Variants in FZD3 observed in about 807,000 individuals in gnomAD.
The protein encoded by FZD3 is frizzled class receptor 3.
A neutral mutation model predicts 60.7 loss-of-function variants in FZD3; 30 were observed. That is an observed-to-expected ratio of 0.49 (90% confidence interval 0.37 to 0.67). The LOEUF is 0.67. Among genes scored for constraint, FZD3 ranks in the 30% least tolerant of loss-of-function variants. FZD3 has a pLI of 0.00. For missense variants in FZD3, 605 were observed against 838.7 expected, an observed-to-expected ratio of 0.72 and a Z score of 3.44; for synonymous variants, 246 against 275.2, an observed-to-expected ratio of 0.89 and a Z score of 1.05.
intron 3 of FZD3, among the ~76,000 whole-genome samples, chr8:28,516,441 C>T (rs1182211651): frequency 1.3e-5 from 2 of 152,110 alleles, no homozygotes; most frequent in African/African-American, 2.4e-5. Context: ...AACAGAAGGC[C>T]GTTGGGATTT....
At chr8:28,536,100 T>TA (rs1167254006) in intron 5 of FZD3, among the ~76,000 whole-genome samples, 2 of 152,228 alleles carry the variant, frequency 1.3e-5, no homozygotes, top group African/African-American at 4.8e-5. Flanking sequence ...TTGCACAAAG[T>TA]AAAATTTCGA....
chr8:28,519,671 G>T (rs1203640140), intron 3 of FZD3, among the ~76,000 whole-genome samples: 2 of 150,576 alleles, frequency 1.3e-5, no homozygotes, highest in Admixed American at 1.3e-4. Flanking sequence ...CAGAGGTGGT[G>T]GTGAGCCGAG....
rs762771274 is a variant in FZD3 at position 28,527,262 on chromosome 8, G to A, written c.502G>A (p.Glu168Lys). 4 of 1,614,008 alleles carry A rather than the reference G, an allele frequency of 2.5e-6. No homozygotes were observed. Among genetic ancestry groups the A allele is most frequent in the Non-Finnish European group, 3.4e-6 (4 of 1,179,908 alleles). Residue 168 changes from glutamate to lysine, a missense_variant, in exon 5 of 8, where the codon GAG (glutamate) becomes AAG (lysine). Coordinates refer to ENST00000240093, the MANE Select transcript of FZD3 (RefSeq NM_017412.4). This position sits in a 1 kb window ranked among gnomAD's most constrained non-coding sequence, Gnocchi z 5.0. ...QRDYGFWCPRELKIDPDLGYS... is the reference protein window; with the variant it reads ...QRDYGFWCPRKLKIDPDLGYS... ...AGACTATGGTTTTTGGTGTCCCCGA[G>A]AGTTAAAAATTGATCCTGATCTGGG...
At chr8:28,559,467 A>G (rs1585195360) in intron 7 of FZD3, among the ~76,000 whole-genome samples, 1 of 152,204 alleles carries the variant, frequency 6.6e-6, no homozygotes, top group Admixed American at 6.5e-5. Flanking sequence ...CCTCCACAGT[A>G]TCTAGCACAG....
chr8:28,501,793 A>G (rs1421913911), intron 2 of FZD3, among the ~76,000 whole-genome samples: 2 of 152,154 alleles, frequency 1.3e-5, no homozygotes, highest in Non-Finnish European at 2.9e-5. Flanking sequence ...CTTTTTAGGG[A>G]TGATTTCTAT....
chr8:28,541,068 C>A (rs942788245), intron 5 of FZD3, among the ~76,000 whole-genome samples: 16 of 152,170 alleles, frequency 1.1e-4, no homozygotes, highest in African/African-American at 2.9e-4. Flanking sequence ...AGTATATGGC[C>A]TGTTTTACGT....
intron 5 of FZD3, among the ~76,000 whole-genome samples, chr8:28,550,315 A>C (rs1174440850): frequency 6.6e-6 from 1 of 151,542 alleles, no homozygotes; most frequent in Non-Finnish European, 1.5e-5. Flanking sequence ...AAGATTCTTT[A>C]ATTTTTCTCT....
Position 28,502,958 on chromosome 8 carries a change from C to A in FZD3, c.-56C>A. The A allele has an allele frequency of 8.4e-7, 1 of 1,193,702 alleles. No homozygotes were observed. Among genetic ancestry groups the A allele is most frequent in the Non-Finnish European group, 1.2e-6 (1 of 828,136 alleles). The allele number at this position is 1,193,702 out of a possible 1,614,324, so 73.9% of individuals were successfully genotyped here. On this transcript the variant is annotated 5_prime_UTR_variant, in exon 3 of 8. Transcript: ENST00000240093. Reference sequence around the variant, plus strand: ...CTGAGACCTGCAGGTGTATAAATATCTAAAATACATATTGAATAGGCCTGA... The same window carrying A: ...CTGAGACCTGCAGGTGTATAAATATATAAAATACATATTGAATAGGCCTGA...
In FZD3 at chr8:28,503,133, T is replaced by G. The variant is rs774073841; in HGVS notation, c.120T>G (p.Pro40=). ...PITLRMCQDL[P]YNTTFMPNLL... ...CCTTGAGGATGTGCCAAGATTTGCC[T>G]TATAATACTACCTTCATGCCTAATC... Residue 40 remains proline (P), a synonymous_variant, in exon 3 of 8, where the codon CCT becomes CCG. Transcript: ENST00000240093. 1 of 1,613,470 alleles carries G rather than the reference T, an allele frequency of 6.2e-7. No individual in the cohort carries two copies. The highest frequency in any genetic ancestry group is 1.1e-5 in the South Asian group (1 of 91,066).
chr8:28,524,934 A>G (rs1804678340), intron 4 of FZD3, among the ~76,000 whole-genome samples: 1 of 152,100 alleles, frequency 6.6e-6, no homozygotes, highest in African/African-American at 2.4e-5. Flanking sequence ...TTCTGTTCCT[A>G]CTTCATTGAT....
At chr8:28,534,223 C>T (rs1436193561) in intron 5 of FZD3, among the ~76,000 whole-genome samples, 1 of 152,080 alleles carries the variant, frequency 6.6e-6, no homozygotes, top group Non-Finnish European at 1.5e-5. Context: ...TTTATAGACG[C>T]ACACACACAT....
intron 7 of FZD3, among the ~76,000 whole-genome samples, chr8:28,560,124 G>A (rs1805588496): frequency 6.6e-6 from 1 of 152,146 alleles, no homozygotes; most frequent in African/African-American, 2.4e-5. Context: ...TAAAACTACA[G>A]TTAATTCAGT....
chr8:28,555,944 G>A lies in FZD3; in HGVS notation c.1760G>A (p.Gly587Asp). 1 of 1,612,620 alleles carries A rather than the reference G, an allele frequency of 6.2e-7. No individual in the cohort carries two copies. Among genetic ancestry groups the A allele is most frequent in the Non-Finnish European group, 8.5e-7 (1 of 1,178,724 alleles). The change falls in exon 7 of 8, where the codon GGC (glycine) becomes GAC (aspartate). Residue 587 changes from glycine (G) to aspartate (D), a missense_variant. Coordinates refer to ENST00000240093, the MANE Select transcript of FZD3 (RefSeq NM_017412.4). ...SIHSKVSSYH[G>D]SLHRSRDGRY... ...CACAGCAAAGTGAGCAGCTACCACG[G>A]CAGCCTCCACAGATCACGTGATGGC...
chr8:28,538,705 A>T (rs1166364446), intron 5 of FZD3, among the ~76,000 whole-genome samples: 1 of 152,106 alleles, frequency 6.6e-6, no homozygotes, highest in Non-Finnish European at 1.5e-5. Context: ...CTAAAATTTT[A>T]GGGGATTGGA....
At chr8:28,497,267 C>T (rs1488647121) in intron 1 of FZD3, among the ~76,000 whole-genome samples, 1 of 152,106 alleles carries the variant, frequency 6.6e-6, no homozygotes, top group African/African-American at 2.4e-5. Flanking sequence ...CAGGAAAGTT[C>T]AGAAAAGAGA....
chr8:28,562,668 T>C, intron 7 of FZD3, 130 bp from the exon 8 acceptor site: 2 of 638,658 alleles, frequency 3.1e-6, no homozygotes, highest in South Asian at 3.8e-5. Context: ...CAATCAAAAG[T>C]TGGTTATTAC....
rs1186729055 is a variant in FZD3, at chr8:28,570,628, A to G, written c.*7617A>G. On this transcript the variant is annotated 3_prime_UTR_variant, in exon 8 of 8. Transcript: ENST00000240093. The stretch of plus-strand genomic sequence containing the variant: ...CAACGGAGCGAGACTCTATCTCAAA[A>G]AAAAAAAAAGAAAAAAAAAAAAGTA... 8 of 151,604 alleles carry G rather than the reference A, an allele frequency of 5.3e-5. No individual in the cohort carries two copies. Among genetic ancestry groups the G allele is most frequent in the Admixed American group, 4.6e-4 (7 of 15,236 alleles). 9.4% of individuals were successfully genotyped at this position (151,604 alleles called of 1,614,324 possible).
At chr8:28,515,854 G>T (rs1000940078) in intron 3 of FZD3, among the ~76,000 whole-genome samples, 1 of 152,158 alleles carries the variant, frequency 6.6e-6, no homozygotes, top group African/African-American at 2.4e-5. Flanking sequence ...TCTGTTGGTT[G>T]TCCGTTCACT....
chr8:28,550,481 C>CTTTTTTTTTTTTTT (rs386412443), intron 5 of FZD3, among the ~76,000 whole-genome samples: 2 of 34,334 alleles, frequency 5.8e-5, no homozygotes, highest in South Asian at 1.8e-3. Flanking sequence ...CTTCTTTTAT[C>CTTTTTTTTTTTTTT]TTTTTTTTTT....
Sources: gnomAD v4.1 joint callset for allele counts (sites outside exome capture counted in the v4.1 genomes callset) on GRCh38, gnomAD v4.1.1 for gene constraint, Gnocchi (gnomAD v3.1) non-coding constraint, MANE v1.5 for transcripts, NCBI Gene and HGNC (gene_info 2026-07-23, HGNC 2026-07-21) for gene names.